Variants in COL24A1 observed in about 807,000 individuals in gnomAD.
COL24A1 encodes the protein collagen alpha-1(XXIV) chain.
Under a neutral mutation model 253.9 loss-of-function variants are expected in COL24A1, and 224 were observed. The ratio of observed to expected loss-of-function variants is 0.88; its 90% CI spans 0.79 to 0.99. The LOEUF (loss-of-function observed/expected upper bound fraction) is 0.99, where lower values mean the gene tolerates loss of function less well. COL24A1 is among the 50% of genes least tolerant of loss of function. COL24A1 has a pLI of 0.00. For synonymous variants in COL24A1, 685 were observed against 673.7 expected, an observed-to-expected ratio of 1.02 and a Z score of -0.26; for missense variants, 2,131 against 2,068.5, an observed-to-expected ratio of 1.03 and a Z score of -0.59.
chr1:85,947,256 G>C (rs1000854167), intron 24 of COL24A1, among the ~76,000 whole-genome samples: 1 of 152,184 alleles, frequency 6.6e-6, no homozygotes, highest in African/African-American at 2.4e-5. Flanking sequence ...AGATTGACAA[G>C]TATTTCAATC....
chr1:86,026,115 C>T (rs766331660), intron 14 of COL24A1, among the ~76,000 whole-genome samples: 6 of 152,204 alleles, frequency 3.9e-5, no homozygotes, highest in Admixed American at 6.5e-5. Context: ...GTTAGTTCAG[C>T]TATTTAGTAG....
intron 19 of COL24A1, among the ~76,000 whole-genome samples, chr1:85,997,081 A>ATATATATATATATATATATAT (rs1694890080): frequency 7.8e-6 from 1 of 128,510 alleles, no homozygotes; most frequent in Non-Finnish European, 1.7e-5. Context: ...ATATATATAT[A>ATATATATATATATATATATAT]CCAGTTAGTA....
At chr1:85,892,108 T>A (rs1683198935) in intron 31 of COL24A1, among the ~76,000 whole-genome samples, 1 of 152,122 alleles carries the variant, frequency 6.6e-6, no homozygotes, top group Non-Finnish European at 1.5e-5. Context: ...ATAGAGAAAC[T>A]GAAGCCCAGA....
intron 37 of COL24A1, among the ~76,000 whole-genome samples, chr1:85,856,937 G>C (rs1056143400): frequency 6.6e-6 from 1 of 152,002 alleles, no homozygotes; most frequent in Non-Finnish European, 1.5e-5. Flanking sequence ...TTACCATAAG[G>C]CTTTTACTAG....
intron 55 of COL24A1, among the ~76,000 whole-genome samples, chr1:85,754,554 A>G (rs1421258304): frequency 1.3e-5 from 2 of 149,498 alleles, no homozygotes; most frequent in African/African-American, 4.9e-5. Context: ...AAAAATTAAA[A>G]AAAAAAAAAA....
chr1:85,818,021 G>A lies in COL24A1; in HGVS notation c.3843+13C>T, dbSNP rs1673222703. On this transcript the variant is annotated intron_variant, in intron 46 of 59. Transcript: ENST00000370571. ...TAGAAAAGCAAGAAAGATGAAAGAG[G>A]CCTGTTACTTACAGGAATCCCAGGT... 6.2e-7 allele frequency: 1 copy of A among 1,611,222 alleles called. No homozygotes were observed. Among genetic ancestry groups the A allele is most frequent in the South Asian group, 1.1e-5 (1 of 90,986 alleles).
chr1:85,813,718 T>C (rs1284200855), intron 47 of COL24A1, among the ~76,000 whole-genome samples: 1 of 150,762 alleles, frequency 6.6e-6, no homozygotes, highest in Non-Finnish European at 1.5e-5. Context: ...GCCCGGCTAA[T>C]TTTTTTGTAT....
At chr1:86,137,342 C>T (rs2102360015) in intron 2 of COL24A1, among the ~76,000 whole-genome samples, 1 of 152,236 alleles carries the variant, frequency 6.6e-6, no homozygotes, top group Non-Finnish European at 1.5e-5. Flanking sequence ...AAGCACTATT[C>T]TAAGAACTTT....
rs77294568 is a variant in COL24A1, at chr1:86,086,238, T to C, written c.1707+2936A>G. On this transcript the variant is annotated intron_variant, in intron 7 of 59. Transcript: ENST00000370571. ...ACTTCCTCTTGCAACATGCTAGAGG[T>C]ACACAGATATACTTAAATACCACTG... Among the ~76,000 whole-genome samples, 8 of 152,262 alleles carry C rather than the reference T, an allele frequency of 5.3e-5. No homozygotes were observed. In the East Asian group the frequency reaches 1.5e-3, roughly 29 times the overall value.
chr1:85,949,563 T>C (rs1234432001), intron 24 of COL24A1, among the ~76,000 whole-genome samples: 2 of 152,168 alleles, frequency 1.3e-5, no homozygotes, highest in Non-Finnish European at 2.9e-5. Flanking sequence ...ATATAAGATA[T>C]AGTCCTTGAG....
At chr1:86,002,317 A>G (rs1428493286) in intron 19 of COL24A1, among the ~76,000 whole-genome samples, 1 of 152,246 alleles carries the variant, frequency 6.6e-6, no homozygotes, top group Non-Finnish European at 1.5e-5. Context: ...CGGAGATCGC[A>G]TAGATTCTGG....
chr1:85,927,580 A>G (rs1254266034), intron 24 of COL24A1, among the ~76,000 whole-genome samples: 44 of 117,864 alleles, frequency 3.7e-4, no homozygotes, highest in African/African-American at 1.3e-3. Context: ...GGAGCCCACC[A>G]CAGCTCAAGG....
At chr1:85,772,134 A>C (rs1055227693) in intron 53 of COL24A1, among the ~76,000 whole-genome samples, 3 of 150,182 alleles carry the variant, frequency 2.0e-5, no homozygotes, top group Non-Finnish European at 3.0e-5. Context: ...TGAACTCATC[A>C]TTTTTTATGG....
chr1:86,016,976 A>T (rs949155318), intron 19 of COL24A1, among the ~76,000 whole-genome samples, 175 bp downstream of exon 19: 2 of 152,158 alleles, frequency 1.3e-5, no homozygotes, highest in Non-Finnish European at 2.9e-5. Context: ...TTTCCCTAGG[A>T]TCCCTGTTGC....
chr1:86,139,369 G>C (rs1182882798), intron 2 of COL24A1, among the ~76,000 whole-genome samples: 1 of 152,150 alleles, frequency 6.6e-6, no homozygotes. Context: ...TAAAGAAATA[G>C]ATATGGGAGA....
intron 48 of COL24A1, among the ~76,000 whole-genome samples, chr1:85,785,400 C>T (rs993198893): frequency 2.0e-5 from 3 of 152,016 alleles, no homozygotes; most frequent in African/African-American, 4.8e-5. Flanking sequence ...TAATGAAAAA[C>T]GATGCTTGGT....
At chr1:86,141,260 A>C (rs1651029908) in intron 2 of COL24A1, among the ~76,000 whole-genome samples, 1 of 152,188 alleles carries the variant, frequency 6.6e-6, no homozygotes, top group Admixed American at 6.5e-5. Flanking sequence ...GAAGGCACCA[A>C]ATCAATGAAT....
At chr1:86,002,363 C>T (rs1695509097) in intron 19 of COL24A1, among the ~76,000 whole-genome samples, 1 of 152,264 alleles carries the variant, frequency 6.6e-6, no homozygotes, top group African/African-American at 2.4e-5. Context: ...CCAGTTACAG[C>T]TGCTTTGTCA....
intron 53 of COL24A1, 40 bp downstream of exon 53, chr1:85,775,634 G>T (rs1418654876): frequency 1.3e-6 from 2 of 1,548,484 alleles, no homozygotes; most frequent in Non-Finnish European, 8.9e-7. Flanking sequence ...TTATAGCCTA[G>T]TGTCAGGGTT....
Sources: gnomAD v4.1 joint callset for allele counts (sites outside exome capture counted in the v4.1 genomes callset) on GRCh38, gnomAD v4.1.1 for gene constraint, MANE v1.5 for transcripts, NCBI Gene and HGNC (gene_info 2026-07-23, HGNC 2026-07-21) for gene names.